Variants in COL28A1 observed in about 807,000 individuals in gnomAD.
COL28A1 encodes collagen alpha-1(XXVIII) chain.
A neutral mutation model predicts 150.2 loss-of-function variants in COL28A1; 161 were observed. That is an observed-to-expected ratio of 1.07 (90% CI 0.94 to 1.22). COL28A1 has a LOEUF of 1.22. COL28A1 is among the 50% of genes most tolerant of loss of function. COL28A1 has a pLI of 0.00. For synonymous variants in COL28A1, 552 were observed against 469.7 expected, an observed-to-expected ratio of 1.18 and a Z score of -2.26; for missense variants, 1,617 against 1,388.3, an observed-to-expected ratio of 1.16 and a Z score of -2.62.
intron 11 of COL28A1, among the ~76,000 whole-genome samples, chr7:7,500,901 A>G (rs1406587096): frequency 2.6e-5 from 4 of 152,184 alleles, no homozygotes; most frequent in Non-Finnish European, 5.9e-5. Flanking sequence ...TTCAGGGTGA[A>G]CTAAATATAT....
intron 2 of COL28A1, 41 bp from the exon 3 acceptor site, chr7:7,531,945 A>T: frequency 8.0e-7 from 1 of 1,252,618 alleles, no homozygotes; most frequent in South Asian, 1.3e-5. Context: ...AATTATTCCT[A>T]TCATGAAACA....
At chr7:7,419,360 T>G (rs1437260396) in intron 26 of COL28A1, among the ~76,000 whole-genome samples, 1 of 152,100 alleles carries the variant, frequency 6.6e-6, no homozygotes, top group East Asian at 1.9e-4. Flanking sequence ...AGTCTCCCTC[T>G]TTGAGAAACA....
intron 33 of COL28A1, among the ~76,000 whole-genome samples, chr7:7,362,887 G>A (rs1469365200): frequency 6.6e-6 from 1 of 151,818 alleles, no homozygotes; most frequent in Non-Finnish European, 1.5e-5. Flanking sequence ...ATAGAGATAG[G>A]GTCTCGCTGT....
chr7:7,471,913 AC>A (rs1247456249), intron 15 of COL28A1, among the ~76,000 whole-genome samples: 1 of 152,068 alleles, frequency 6.6e-6, no homozygotes. Context: ...AAAACAAGAA[AC>A]AAAAATCACA....
At chr7:7,543,354 A>G in the COL28A1 span, among the ~76,000 whole-genome samples, 1 of 152,242 alleles carries the variant, frequency 6.6e-6, no homozygotes, top group Non-Finnish European at 1.5e-5. Flanking sequence ...TAGCTGAATA[A>G]TATAATACTT....
chr7:7,465,498 C>G (rs1463851553), intron 15 of COL28A1, among the ~76,000 whole-genome samples: 2 of 139,168 alleles, frequency 1.4e-5, no homozygotes, highest in Non-Finnish European at 3.1e-5. Context: ...AGTCTGAGAT[C>G]AAACTGCAAG....
At chr7:7,381,703 T>C in intron 27 of COL28A1, 91 bp from the exon 28 acceptor site, 1 of 796,994 alleles carries the variant, frequency 1.3e-6, no homozygotes, top group Non-Finnish European at 2.2e-6. Flanking sequence ...GGTTTAAAAC[T>C]GCATTATAGT....
intron 11 of COL28A1, among the ~76,000 whole-genome samples, chr7:7,504,492 C>A (rs1168510396): frequency 6.6e-6 from 1 of 152,000 alleles, no homozygotes; most frequent in African/African-American, 2.4e-5. Flanking sequence ...AGAGCAACAT[C>A]CTATCTCTAA....
At position 7,400,978 on chromosome 7, in the gene COL28A1, GTGTGTGT is replaced by G. The variant is rs1562554226; in HGVS notation, c.2136+16874_2136+16880del. The stretch of plus-strand genomic sequence containing the variant: ...CCATAGGACGTGTGGGTATTTGGGT[GTGTGTGT>G]GTGTGTGTGTGTGTGTGTGTGTGTG... On this transcript the variant is annotated intron_variant, in intron 27 of 34. Transcript: ENST00000399429. Among the ~76,000 whole-genome samples the G allele has an allele frequency of 4.5e-3, 366 of 81,280 alleles. 8 individuals are homozygous for G. The highest frequency in any genetic ancestry group is 0.013 in the African/African-American group (327 of 25,128). The allele number at this position is 81,280 out of a possible 152,430, so 53.3% of individuals were successfully genotyped here. A position where few individuals can be genotyped will look rare whatever the true frequency, so the allele number is the denominator to read the frequency against.
intron 8 of COL28A1, chr7:7,511,989 TAAGTA>T (rs994472605): frequency 4.3e-5 from 14 of 326,038 alleles, no homozygotes; most frequent in African/African-American, 2.9e-4. Context: ...TTAAGAAGGT[TAAGTA>T]AAGAGAATGT....
At chr7:7,412,007 C>T (rs957184733) in intron 27 of COL28A1, among the ~76,000 whole-genome samples, 8 of 152,198 alleles carry the variant, frequency 5.3e-5, no homozygotes, top group Non-Finnish European at 4.4e-5. Flanking sequence ...TAGAAACAGG[C>T]TAAATTATGA....
chr7:7,515,638 C>T (rs1444297531), intron 8 of COL28A1, among the ~76,000 whole-genome samples, 176 bp downstream of exon 8: 1 of 152,116 alleles, frequency 6.6e-6, no homozygotes, highest in Non-Finnish European at 1.5e-5. Context: ...ACCCTCCATC[C>T]CTTACAACAC....
At chr7:7,530,916 G>C (rs1782312547) in intron 3 of COL28A1, among the ~76,000 whole-genome samples, 1 of 152,142 alleles carries the variant, frequency 6.6e-6, no homozygotes, top group Non-Finnish European at 1.5e-5. Flanking sequence ...GAGTAAGAGA[G>C]AATATGTCAA....
intron 18 of COL28A1, 140 bp downstream of exon 18, chr7:7,452,179 G>A (rs934369807): frequency 7.2e-6 from 9 of 1,249,974 alleles, no homozygotes; most frequent in Non-Finnish European, 9.6e-6. Context: ...AGTAGTAGTA[G>A]CCGCACTTAA....
At chr7:7,349,539 T>C in the COL28A1 span, among the ~76,000 whole-genome samples, 1 of 152,130 alleles carries the variant, frequency 6.6e-6, no homozygotes, top group African/African-American at 2.4e-5. Flanking sequence ...TCCTTCAGAA[T>C]TCTAGCTGCC....
downstream of COL28A1, among the ~76,000 whole-genome samples, chr7:7,353,975 C>T (rs1040295462): frequency 2.0e-5 from 3 of 151,908 alleles, no homozygotes; most frequent in Non-Finnish European, 4.4e-5. Context: ...ATTTCTATAA[C>T]TCATACCCAT....
chr7:7,533,009 G>T (rs1583589920), intron 1 of COL28A1, 97 bp from the exon 2 acceptor site: 1 of 1,208,800 alleles, frequency 8.3e-7, no homozygotes, highest in East Asian at 2.9e-5. Flanking sequence ...GCATGTGACT[G>T]GAAAAAAGAG....
At chr7:7,424,185 G>C (rs886221424) in intron 25 of COL28A1, among the ~76,000 whole-genome samples, 1 of 152,208 alleles carries the variant, frequency 6.6e-6, no homozygotes, top group South Asian at 2.1e-4. Context: ...AACACGGCAT[G>C]AGAGTTGTTC....
intron 13 of COL28A1, among the ~76,000 whole-genome samples, chr7:7,485,312 T>C (rs1779565965): frequency 6.6e-6 from 1 of 152,158 alleles, no homozygotes; most frequent in African/African-American, 2.4e-5. Context: ...TCTAATTCGA[T>C]TTTTATTATT....
Sources: allele counts gnomAD v4.1 joint callset (sites outside exome capture counted in the v4.1 genomes callset), GRCh38; gene constraint gnomAD v4.1.1; transcripts MANE v1.5; gene names NCBI Gene and HGNC (gene_info 2026-07-23, HGNC 2026-07-21).